The following MBOAT1 variants were observed in gnomAD, a reference collection of about 807,000 sequenced individuals.
The protein encoded by MBOAT1 is membrane bound glycerophospholipid O-acyltransferase 1.
MBOAT1 carries 67 observed loss-of-function variants against 64.4 expected under a neutral mutation model. The observed-to-expected ratio is 1.04, with a 90% confidence interval of 0.85 to 1.27. MBOAT1 has a LOEUF of 1.27. Among genes scored for constraint, MBOAT1 ranks in the 50% most tolerant of loss-of-function variants. The probability of loss-of-function intolerance (pLI) is 0.00; values close to 1 mark genes in which losing one functional copy is unlikely to be tolerated. For missense variants in MBOAT1, 563 were observed against 604.6 expected (o/e 0.93, Z 0.72); for synonymous variants, 229 against 218.9 (o/e 1.05, Z -0.41).
At chr6:20,127,514 T>C (rs1397092434) in intron 6 of MBOAT1, among the ~76,000 whole-genome samples, 2 of 152,124 alleles carry the variant, frequency 1.3e-5, no homozygotes, top group African/African-American at 4.8e-5. Context: ...CCCCATCACT[T>C]ACATTACCGC....
At position 20,152,365 on chromosome 6, in the gene MBOAT1, AT is replaced by A. The variant is rs1395737035; in HGVS notation, c.245+258del. 7.4e-3 allele frequency among the ~76,000 whole-genome samples: 674 copies of A among 91,134 alleles called. 5 individuals carry two copies. The highest frequency in any genetic ancestry group is 0.028 in the East Asian group (54 of 1,956). 59.8% of individuals were successfully genotyped at this position (91,134 alleles called of 152,430 possible). A position where few individuals can be genotyped will look rare whatever the true frequency, so the allele number is the denominator to read the frequency against. ...AAAAAATAAATAAATAAATAAATAA[AT>A]TAATTAATTAATTAATTAATTAAAA... On this transcript the variant is annotated intron_variant, in intron 2 of 12. Transcript: ENST00000324607.
chr6:20,192,558 A>G (rs1231634389), intron 1 of MBOAT1, among the ~76,000 whole-genome samples: 1 of 152,210 alleles, frequency 6.6e-6, no homozygotes, highest in Non-Finnish European at 1.5e-5. Flanking sequence ...CAAGACAGAA[A>G]ATGTGTATTT....
chr6:20,161,298 A>G (rs1410475423), intron 1 of MBOAT1, among the ~76,000 whole-genome samples: 1 of 151,970 alleles, frequency 6.6e-6, no homozygotes, highest in Non-Finnish European at 1.5e-5. Flanking sequence ...GCAGGAAAAC[A>G]AGCTCAGGGC....
chr6:20,182,690 C>T (rs1762543219), intron 1 of MBOAT1, among the ~76,000 whole-genome samples: 1 of 152,172 alleles, frequency 6.6e-6, no homozygotes. Context: ...GTGAGCCAAA[C>T]CCCTGTGACA....
intron 1 of MBOAT1, among the ~76,000 whole-genome samples, chr6:20,206,015 C>G (rs1322123188): frequency 6.6e-6 from 1 of 152,158 alleles, no homozygotes; most frequent in Non-Finnish European, 1.5e-5. Context: ...TTCTCCCCCT[C>G]CTGTGTGACT....
chr6:20,120,001 G>A (rs1760447464), intron 8 of MBOAT1, among the ~76,000 whole-genome samples: 1 of 75,622 alleles, frequency 1.3e-5, no homozygotes, highest in Non-Finnish European at 2.7e-5. Context: ...GTGTGTGTGT[G>A]TGTGCGTGTG....
intron 11 of MBOAT1, 73 bp downstream of exon 11, chr6:20,112,803 G>A: frequency 6.6e-7 from 1 of 1,523,464 alleles, no homozygotes. Context: ...ACCCCTACTA[G>A]GACCCAACAG....
chr6:20,179,106 A>G (rs1430009590), intron 1 of MBOAT1, among the ~76,000 whole-genome samples: 3 of 129,004 alleles, frequency 2.3e-5, no homozygotes, highest in Non-Finnish European at 4.9e-5. Context: ...CCACCCCCAC[A>G]CCCCACAAAT....
chr6:20,180,237 A>G (rs1224428074), intron 1 of MBOAT1, among the ~76,000 whole-genome samples: 1 of 152,160 alleles, frequency 6.6e-6, no homozygotes, highest in Non-Finnish European at 1.5e-5. Flanking sequence ...TCTTCTCTGA[A>G]GAGAGGACCC....
In MBOAT1 at chr6:20,116,993, G is replaced by A. The variant is rs185092661; in HGVS notation, c.1011+1444C>T. 1.6e-3 allele frequency among the ~76,000 whole-genome samples: 242 copies of A among 152,276 alleles called. 1 individual carries two copies. Among genetic ancestry groups the A allele is most frequent in the Non-Finnish European group, 3.0e-3 (201 of 68,026 alleles). ...ATAACACACTTGAACTCTCTCTGAC[G>A]TCATCTATATAAAAAAGAGAAGCTT... On this transcript the variant is annotated intron_variant, in intron 9 of 12. Transcript: ENST00000324607.
chr6:20,211,969 A>AATACACAC (rs1763435781), intron 1 of MBOAT1, 167 bp downstream of exon 1: 1 of 429,500 alleles, frequency 2.3e-6, no homozygotes, highest in South Asian at 3.5e-5. Context: ...AAGAAGGGAA[A>AATACACAC]ACACACACAC....
At chr6:20,146,521 A>C (rs533881068) in intron 3 of MBOAT1, among the ~76,000 whole-genome samples, 3 of 152,348 alleles carry the variant, frequency 2.0e-5, no homozygotes, top group South Asian at 4.1e-4. Context: ...CTCCCTTAGG[A>C]GTTGAAGCAG....
intron 1 of MBOAT1, among the ~76,000 whole-genome samples, chr6:20,188,746 T>A (rs1762723798): frequency 1.3e-5 from 2 of 152,142 alleles, no homozygotes; most frequent in Non-Finnish European, 2.9e-5. Context: ...CCTTACTGCA[T>A]ATGTATCAGG....
chr6:20,176,125 A>G (rs1762336203), intron 1 of MBOAT1, among the ~76,000 whole-genome samples: 1 of 152,170 alleles, frequency 6.6e-6, no homozygotes, highest in East Asian at 1.9e-4. Context: ...CTCTACAAAA[A>G]GTAAAATAAT....
chr6:20,112,477 G>A (rs149620362), intron 11 of MBOAT1, among the ~76,000 whole-genome samples: 239 of 152,222 alleles, frequency 1.6e-3, no homozygotes, highest in African/African-American at 5.2e-3. Flanking sequence ...CTAGGCTCGG[G>A]GCAATGAAAT....
chr6:20,102,506 GCACCGC>G, intron 12 of MBOAT1, 94 bp from the exon 13 acceptor site: 1 of 1,094,410 alleles, frequency 9.1e-7, no homozygotes, highest in South Asian at 1.6e-5. Context: ...ACAAGTGAGA[GCACCGC>G]TTTTGGCAGT....
intron 1 of MBOAT1, among the ~76,000 whole-genome samples, chr6:20,191,582 A>G (rs549532524): frequency 5.3e-5 from 8 of 152,262 alleles, no homozygotes; most frequent in Non-Finnish European, 1.2e-4. Context: ...TTATGACTTG[A>G]CCAGCACAGA....
intron 1 of MBOAT1, among the ~76,000 whole-genome samples, chr6:20,179,466 G>A (rs952063606): frequency 6.6e-6 from 1 of 152,168 alleles, no homozygotes; most frequent in African/African-American, 2.4e-5. Flanking sequence ...CTCCATCCAT[G>A]TCCCTGCAAA....
At position 20,137,954 on chromosome 6, in the gene MBOAT1, G is replaced by A. The variant is rs920713415; in HGVS notation, c.419+6266C>T. Among the ~76,000 whole-genome samples the A allele has an allele frequency of 5.3e-5, 8 of 152,198 alleles. 1 individual carries two copies. The highest frequency in any genetic ancestry group is 1.7e-4 in the African/African-American group (7 of 41,442). ...AAATCCGAAACAAGATATTTCAACTGCAATAGTAGGGTTAAATCAATTCCA... is the reference window on the plus strand; with the variant it reads ...AAATCCGAAACAAGATATTTCAACTACAATAGTAGGGTTAAATCAATTCCA... On this transcript the variant is annotated intron_variant, in intron 4 of 12. Transcript: ENST00000324607.
Sources: gnomAD v4.1 joint callset for allele counts (sites outside exome capture counted in the v4.1 genomes callset) on GRCh38, gnomAD v4.1.1 for gene constraint, MANE v1.5 for transcripts, NCBI Gene and HGNC (gene_info 2026-07-23, HGNC 2026-07-21) for gene names.